Variants in HSD11B1 observed in about 807,000 individuals in gnomAD.
The protein encoded by HSD11B1 is 11-beta-hydroxysteroid dehydrogenase 1.
A neutral mutation model predicts 22.1 loss-of-function variants in HSD11B1; 15 were observed. That is an observed-to-expected ratio of 0.68 (90% CI 0.45 to 1.04). The LOEUF (loss-of-function observed/expected upper bound fraction) is 1.04. HSD11B1 is among the 50% of genes least tolerant of loss of function. The pLI is 0.00. For missense variants in HSD11B1, 281 were observed against 357.6 expected (o/e 0.79, Z 1.73); for synonymous variants, 122 against 125.2 (o/e 0.97, Z 0.17).
rs1553286745 is a variant in HSD11B1, at chr1:209,692,616, G to GGGGC, written c.-49+6333_-49+6334insGCGG. On this transcript the variant is annotated intron_variant, in intron 1 of 6. Coordinates refer to the HSD11B1 transcript ENST00000261465. Reference sequence around the variant, plus strand: ...TCGGGTATTAAAATGGCGGGGGGGGGGGTGGGGGCTCGGTTCTTGCTAAAT... The same window carrying GGGGC: ...TCGGGTATTAAAATGGCGGGGGGGGGGGGCGGTGGGGGCTCGGTTCTTGCTAAAT... 1.8e-5 allele frequency among the ~76,000 whole-genome samples: 2 copies of GGGGC among 110,436 alleles called. 1 individual carries two copies. The allele number at this position is 110,436 out of a possible 152,430, so 72.5% of individuals were successfully genotyped here.
intron 4 of HSD11B1, among the ~76,000 whole-genome samples, chr1:209,717,467 C>T (rs532656903): frequency 2.0e-4 from 30 of 152,130 alleles, no homozygotes; most frequent in Non-Finnish European, 4.0e-4. Flanking sequence ...TAAATTATTA[C>T]AGTCACTATA....
chr1:209,718,010 T>C (rs1558195106), intron 4 of HSD11B1, among the ~76,000 whole-genome samples: 2 of 151,934 alleles, frequency 1.3e-5, no homozygotes, highest in African/African-American at 4.8e-5. Context: ...AAACACTGCA[T>C]GTACTCACTC....
At position 209,706,877 on chromosome 1, in the gene HSD11B1, C is replaced by G. The variant is rs1417274588; in HGVS notation, c.331+57C>G. The G allele has an allele frequency of 1.2e-6, 2 of 1,607,714 alleles. No homozygotes were observed. The highest frequency in any genetic ancestry group is 2.2e-5 in the South Asian group (2 of 90,976). ...ACTTTGCCCTTGGGGTCACCAAGAG[C>G]TTTTGGGAGGAGAATGGGAAAGGTA... On this transcript the variant is annotated intron_variant, in intron 3 of 5. Transcript: ENST00000367027. This position sits in a 1 kb window ranked among gnomAD's most constrained non-coding sequence, Gnocchi z 4.0.
chr1:209,688,159 C>G (rs1239872892), intron 1 of HSD11B1, among the ~76,000 whole-genome samples: 3 of 152,156 alleles, frequency 2.0e-5, no homozygotes, highest in Non-Finnish European at 4.4e-5. Context: ...CAGACCCTTG[C>G]TCTAGCCATT....
At chr1:209,697,213 CA>C (rs2076796464) in intron 1 of HSD11B1, among the ~76,000 whole-genome samples, 1 of 152,180 alleles carries the variant, frequency 6.6e-6, no homozygotes, top group South Asian at 2.1e-4. Flanking sequence ...CATAGTTTCC[CA>C]AACATGACTT....
At chr1:209,705,560 C>T (rs1377056965) in intron 1 of HSD11B1, among the ~76,000 whole-genome samples, 25 of 152,134 alleles carry the variant, frequency 1.6e-4, no homozygotes, top group Admixed American at 1.6e-3. Flanking sequence ...TGGCTTCATC[C>T]TATGATCTCT....
intron 4 of HSD11B1, among the ~76,000 whole-genome samples, chr1:209,726,695 T>C (rs1436828959): frequency 6.6e-6 from 1 of 152,246 alleles, no homozygotes; most frequent in Non-Finnish European, 1.5e-5. Flanking sequence ...CTCTCCTTTC[T>C]TCTGCTTTCA....
intron 1 of HSD11B1, among the ~76,000 whole-genome samples, chr1:209,696,644 G>A (rs1196362103): frequency 1.3e-5 from 2 of 152,176 alleles, no homozygotes; most frequent in Non-Finnish European, 2.9e-5. Flanking sequence ...GAAAAGATAA[G>A]CCTATAAAGA....
intron 4 of HSD11B1, among the ~76,000 whole-genome samples, chr1:209,713,230 T>C (rs190610137): frequency 1.8e-3 from 274 of 152,324 alleles, no homozygotes; most frequent in African/African-American, 6.0e-3. Context: ...TTGTACTATA[T>C]ATTTATATTT....
intron 4 of HSD11B1, among the ~76,000 whole-genome samples, chr1:209,709,861 T>C (rs2076883365): frequency 6.6e-6 from 1 of 151,900 alleles, no homozygotes; most frequent in South Asian, 2.1e-4. Flanking sequence ...CAACTAGCAA[T>C]CTCTCCCACA....
At chr1:209,695,351 G>A (rs974012217) in intron 1 of HSD11B1, among the ~76,000 whole-genome samples, 3 of 152,160 alleles carry the variant, frequency 2.0e-5, no homozygotes, top group Non-Finnish European at 2.9e-5. Context: ...AGGTAGAATC[G>A]ACTGTACTTG....
At chr1:209,729,307 C>T (rs1321456443) in intron 4 of HSD11B1, among the ~76,000 whole-genome samples, 1 of 151,318 alleles carries the variant, frequency 6.6e-6, no homozygotes, top group Admixed American at 6.6e-5. Context: ...TGCAGTGAGC[C>T]GAGATCATGC....
At chr1:209,726,079 A>T (rs1571885343) in intron 4 of HSD11B1, among the ~76,000 whole-genome samples, 1 of 151,976 alleles carries the variant, frequency 6.6e-6, no homozygotes, top group Non-Finnish European at 1.5e-5. Context: ...TCAAGAGATC[A>T]AGACCATCCT....
chr1:209,711,335 G>A (rs970561449), intron 4 of HSD11B1, among the ~76,000 whole-genome samples: 1 of 152,130 alleles, frequency 6.6e-6, no homozygotes, highest in African/African-American at 2.4e-5. Flanking sequence ...GGTTATTGGG[G>A]GTGGGGGGAT....
intron 1 of HSD11B1, among the ~76,000 whole-genome samples, chr1:209,696,529 A>G (rs1277149562): frequency 2.0e-5 from 3 of 152,194 alleles, no homozygotes; most frequent in Admixed American, 2.0e-4. Context: ...CCATCAACAC[A>G]AAGGTTGTAA....
At chr1:209,718,999 G>A (rs2076947695) in intron 4 of HSD11B1, among the ~76,000 whole-genome samples, 1 of 81,248 alleles carries the variant, frequency 1.2e-5, no homozygotes, top group Non-Finnish European at 2.2e-5. Flanking sequence ...CAGGCTGGGT[G>A]ACACAGTGAG....
At chr1:209,687,063 CCAAA>C (rs2076732809) in intron 1 of HSD11B1, among the ~76,000 whole-genome samples, 1 of 152,164 alleles carries the variant, frequency 6.6e-6, no homozygotes, top group Non-Finnish European at 1.5e-5. Flanking sequence ...CACCATTTAC[CCAAA>C]CCTTCACTTG....
At chr1:209,707,760 G>T (rs545255010) in intron 4 of HSD11B1, among the ~76,000 whole-genome samples, 50 of 152,352 alleles carry the variant, frequency 3.3e-4, no homozygotes, top group African/African-American at 1.2e-3. Context: ...CTGGTCCTAA[G>T]TGAGAGACCT....
At chr1:209,733,327 A>G (rs777833625) in intron 5 of HSD11B1, among the ~76,000 whole-genome samples, 16 of 152,210 alleles carry the variant, frequency 1.1e-4, no homozygotes, top group Admixed American at 2.6e-4. Context: ...AACCAAATCA[A>G]GGAACATTTT....
Sources: allele counts gnomAD v4.1 joint callset (sites outside exome capture counted in the v4.1 genomes callset), GRCh38; gene constraint gnomAD v4.1.1; non-coding constraint Gnocchi (gnomAD v3.1); transcripts MANE v1.5; gene names NCBI Gene and HGNC (gene_info 2026-07-23, HGNC 2026-07-21).